SYNE1: variants seen among roughly 807,000 people sequenced by gnomAD.
SYNE1 encodes nesprin-1.
A neutral mutation model predicts 1,111.0 loss-of-function variants in SYNE1; 616 were observed. That is an observed-to-expected ratio of 0.55 (90% confidence interval 0.52 to 0.59). SYNE1 has a LOEUF of 0.59. Ranked by LOEUF, SYNE1 falls within the 20% of genes least tolerant of loss-of-function variation. The pLI is 0.00. For missense variants in SYNE1, 10,006 were observed against 10,417.0 expected (o/e 0.96, Z 1.72); for synonymous variants, 3,855 against 3,825.8 (o/e 1.01, Z -0.28).
intron 69 of SYNE1, 62 bp from the exon 70 acceptor site, chr6:152,352,415 T>TG (rs1050507025): frequency 1.4e-5 from 21 of 1,549,878 alleles, no homozygotes; most frequent in Non-Finnish European, 1.7e-5. Flanking sequence ...TTTCTTTTTT[T>TG]TTTTTGAGAT....
intron 108 of SYNE1, 65 bp from the exon 109 acceptor site, chr6:152,237,013 GGTGCAAAATAC>G: frequency 6.3e-7 from 1 of 1,591,954 alleles, no homozygotes. Context: ...TTCTTCCTTG[GGTGCAAAATAC>G]GTGCCTGACA....
At chr6:152,338,565 C>T (rs1481923216) in intron 75 of SYNE1, among the ~76,000 whole-genome samples, 5 of 152,158 alleles carry the variant, frequency 3.3e-5, no homozygotes, top group African/African-American at 1.2e-4. Context: ...AGGCTTCAGT[C>T]AGTGATGATA....
At chr6:152,344,352 A>G (rs2096593756) in intron 73 of SYNE1, 125 bp from the exon 74 acceptor site, 2 of 1,421,900 alleles carry the variant, frequency 1.4e-6, no homozygotes, top group South Asian at 1.2e-5. Flanking sequence ...CTGCAATTTC[A>G]TCTAATATCT....
At chr6:152,491,674 A>G (rs1003283411) in intron 11 of SYNE1, among the ~76,000 whole-genome samples, 1 of 152,126 alleles carries the variant, frequency 6.6e-6, no homozygotes, top group African/African-American at 2.4e-5. Flanking sequence ...ATGGTCTGAG[A>G]TGCCTGACAT....
At chr6:152,315,126 A>C (rs1483703533) in intron 87 of SYNE1, 1 of 151,452 alleles carries the variant, frequency 6.6e-6, no homozygotes, top group Non-Finnish European at 1.5e-5. Context: ...ATACTGTGGA[A>C]AATATTTTCT....
intron 34 of SYNE1, among the ~76,000 whole-genome samples, chr6:152,431,967 GT>G (rs1196142895): frequency 2.0e-5 from 3 of 152,088 alleles, no homozygotes; most frequent in Admixed American, 1.3e-4. Context: ...AATTGTTCTA[GT>G]TGCTTGTAAC....
chr6:152,125,237 T>A (rs2052951131), intron 145 of SYNE1: 1 of 1,548,586 alleles, frequency 6.5e-7, no homozygotes, highest in Non-Finnish European at 8.7e-7. Context: ...ATAATGGTAA[T>A]GGTAATTCAG....
Position 152,331,048 on chromosome 6 carries a change from A to T in SYNE1, c.13637T>A (p.Val4546Asp), listed in dbSNP as rs918920480. The part of the protein sequence containing the change: ...LQELQSVYDS[V>D]LQKCSHRLQE... ...TAACCGGTGACTGCACTTTTGTAAA[A>T]CACTGTCATAGACACTCTGCAATTC... The change falls in exon 78 of 146, where the codon GTT becomes GAT. Residue 4546 changes from valine (V) to aspartate (D), a missense_variant. Val to Asp is a radical substitution (Grantham distance 152, BLOSUM62 -3). This residue lies in a region of SYNE1 where 4,955 missense variants were observed against 5,017.2 expected (regional missense o/e 0.99). Transcript: ENST00000367255. 23 of 1,614,128 alleles carry T rather than the reference A, an allele frequency of 1.4e-5. No individual in the cohort carries two copies. The highest frequency in any genetic ancestry group is 1.9e-5 in the Non-Finnish European group (23 of 1,180,032).
At chr6:152,254,227 A>C (rs182687422) in intron 104 of SYNE1, among the ~76,000 whole-genome samples, 2 of 148,390 alleles carry the variant, frequency 1.3e-5, no homozygotes, top group Non-Finnish European at 3.0e-5. Flanking sequence ...TCTATATTCC[A>C]ACACTTTCTG....
intron 145 of SYNE1, chr6:152,126,701 A>G (rs1370945374): frequency 6.6e-6 from 1 of 152,178 alleles, no homozygotes; most frequent in African/African-American, 2.4e-5. Flanking sequence ...TCTGTCCCAA[A>G]ATACCTAGAC....
At chr6:152,455,847 T>G in intron 23 of SYNE1, 39 bp downstream of exon 23, 1 of 1,613,672 alleles carries the variant, frequency 6.2e-7, no homozygotes, top group Non-Finnish European at 8.5e-7. Context: ...CTCTGCATTT[T>G]CCCTGGCTCA....
chr6:152,593,780 C>A (rs924777125), intron 3 of SYNE1, among the ~76,000 whole-genome samples: 13 of 151,930 alleles, frequency 8.6e-5, no homozygotes, highest in Admixed American at 7.9e-4. Flanking sequence ...GAGTTTGGGG[C>A]CTTTATTTTC....
intron 117 of SYNE1, among the ~76,000 whole-genome samples, chr6:152,222,911 C>T (rs180696185): frequency 3.9e-5 from 6 of 152,298 alleles, no homozygotes; most frequent in Admixed American, 3.9e-4. Flanking sequence ...CATCTTCTAC[C>T]AAGCCTATCT....
chr6:152,258,650 A>T (rs963386653), intron 101 of SYNE1, among the ~76,000 whole-genome samples: 7 of 152,140 alleles, frequency 4.6e-5, no homozygotes, highest in Non-Finnish European at 8.8e-5. Context: ...TTTTAGGTAT[A>T]CATATGGCTC....
chr6:152,484,887 A>T lies in SYNE1; in HGVS notation c.1133T>A (p.Leu378Ter). 5 of 1,613,982 alleles carry T rather than the reference A, an allele frequency of 3.1e-6. No homozygotes were observed. The highest frequency in any genetic ancestry group is 4.2e-6 in the Non-Finnish European group (5 of 1,179,964). Residue 378 changes from leucine to a stop codon, truncating the protein, a stop_gained, in exon 13 of 146, where the codon TTG becomes TAG. Coordinates refer to ENST00000367255, the MANE Select transcript of SYNE1 (RefSeq NM_182961.4). LOFTEE classifies it high-confidence loss of function. Reference protein sequence around the residue: ...LIQPLHRDGKLSLDQALVKQS... With the variant: ...LIQPLHRDGK ...TTTTACCAATGCTTGGTCAAGTGACAATTTACCGTCTCTGTGTAATGGTTG... is the reference window on the plus strand; with the variant it reads ...TTTTACCAATGCTTGGTCAAGTGACTATTTACCGTCTCTGTGTAATGGTTG...
In SYNE1 at chr6:152,510,375, T is replaced by C. The variant is rs535308880; in HGVS notation, c.403-4A>G. On this transcript the variant is annotated splice_region_variant and splice_polypyrimidine_tract_variant and intron_variant, in intron 7 of 145. Coordinates refer to ENST00000367255, the MANE Select transcript of SYNE1 (RefSeq NM_182961.4). ...GGTTGCTGGTCAACTCTTCAATCTG[T>C]TTGTGAGTTAACAGCCAGCAAAAAT... 3.1e-6 allele frequency: 5 copies of C among 1,613,706 alleles called. No individual in the cohort carries two copies. The highest frequency in any genetic ancestry group is 2.7e-5 in the African/African-American group (2 of 75,026).
At chr6:152,372,502 GA>G (rs960714791) in intron 59 of SYNE1, among the ~76,000 whole-genome samples, 3 of 151,900 alleles carry the variant, frequency 2.0e-5, no homozygotes, top group Non-Finnish European at 2.9e-5. Flanking sequence ...GTCTCAGACG[GA>G]AAAAAAATAA....
chr6:152,345,023 C>T (rs900379302), intron 73 of SYNE1, among the ~76,000 whole-genome samples: 1 of 152,140 alleles, frequency 6.6e-6, no homozygotes, highest in African/African-American at 2.4e-5. Flanking sequence ...CTGCTTTTCT[C>T]TGTCATCTTT....
intron 3 of SYNE1, among the ~76,000 whole-genome samples, chr6:152,567,023 G>C (rs946463215): frequency 3.5e-5 from 5 of 143,926 alleles, no homozygotes; most frequent in Non-Finnish European, 6.1e-5. Context: ...GTGTGTGTGT[G>C]TATGCGTGTG....
Sources: gnomAD v4.1 joint callset for allele counts (sites outside exome capture counted in the v4.1 genomes callset) on GRCh38, gnomAD v4.1.1 for gene constraint, gnomAD v4.1.1 regional missense constraint, MANE v1.5 for transcripts, NCBI Gene and HGNC (gene_info 2026-07-23, HGNC 2026-07-21) for gene names.